The following ITGAL variants were observed in gnomAD, a reference collection of about 807,000 sequenced individuals.
ITGAL encodes integrin subunit alpha L.
ITGAL carries 68 observed loss-of-function variants against 138.4 expected under a neutral mutation model. That is an observed-to-expected ratio of 0.49 (90% CI 0.40 to 0.60). ITGAL has a LOEUF of 0.60. ITGAL is among the 20% of genes least tolerant of loss of function. The pLI is 0.00. For missense variants in ITGAL, 1,256 were observed against 1,478.6 expected (o/e 0.85, Z 2.47); for synonymous variants, 561 against 584.3 (o/e 0.96, Z 0.57).
At chr16:30,500,100 A>G (rs1400823907) in intron 17 of ITGAL, among the ~76,000 whole-genome samples, 1 of 101,696 alleles carries the variant, frequency 9.8e-6, no homozygotes, top group Non-Finnish European at 2.1e-5. Context: ...TTATTTATTT[A>G]TTTGAGACAG....
intron 13 of ITGAL, 134 bp from the exon 14 acceptor site, chr16:30,495,963 C>A (rs2050792858): frequency 1.4e-6 from 1 of 723,836 alleles, no homozygotes; most frequent in African/African-American, 1.7e-5. Flanking sequence ...GTGCTTGAAC[C>A]CTGGTTAGTC....
rs191333200 is a variant in ITGAL, at chr16:30,477,940, C to T, written c.328-1151C>T. Among the ~76,000 whole-genome samples, 945 of 137,272 alleles carry T rather than the reference C, an allele frequency of 6.9e-3. 9 individuals carry two copies. The highest frequency in any genetic ancestry group is 0.024 in the African/African-American group (875 of 36,558). 90.1% of individuals were successfully genotyped at this position (137,272 alleles called of 152,430 possible). On this transcript the variant is annotated intron_variant, in intron 4 of 30. Coordinates refer to ENST00000356798, the MANE Select transcript of ITGAL (RefSeq NM_002209.3). ...GCAAAGAAAGGAAAGAAAGAAAGGACGGAGGGAGGGAGGGAAGGAAGGAAG... is the reference window on the plus strand; with the variant it reads ...GCAAAGAAAGGAAAGAAAGAAAGGATGGAGGGAGGGAGGGAAGGAAGGAAG...
intron 21 of ITGAL, among the ~76,000 whole-genome samples, chr16:30,507,181 C>A (rs35266581): frequency 4.6e-5 from 7 of 151,852 alleles, no homozygotes; most frequent in African/African-American, 1.7e-4. Context: ...AAAAATGGGC[C>A]GGGCGTGGTG....
At position 30,496,222 on chromosome 16, in the gene ITGAL, C is replaced by G. The variant is rs769108812; in HGVS notation, c.1629C>G (p.Ala543=). The G allele has an allele frequency of 6.2e-7, 1 of 1,608,722 alleles. No individual in the cohort carries two copies. Among genetic ancestry groups the G allele is most frequent in the Non-Finnish European group, 8.5e-7 (1 of 1,178,010 alleles). Residue 543 remains alanine (A), a synonymous_variant, in exon 14 of 31, where the codon GCC becomes GCG. Coordinates refer to ENST00000356798, the MANE Select transcript of ITGAL (RefSeq NM_002209.3). ...GGCTGGTAGACGTGGCTGTGGGGGC[C>G]CCTCTGGAGGAGCAGGGGGCTGTGT... ...GDGLVDVAVG[A]PLEEQGAVYI... is the part of the protein sequence containing the mutation.
intron 20 of ITGAL, among the ~76,000 whole-genome samples, chr16:30,506,050 A>G (rs946087187): frequency 1.3e-5 from 2 of 151,948 alleles, no homozygotes; most frequent in African/African-American, 4.8e-5. Context: ...ACCTGAGGTC[A>G]GGAGCTCGAG....
At chr16:30,497,215 T>C (rs961486621) in intron 15 of ITGAL, among the ~76,000 whole-genome samples, 2 of 151,494 alleles carry the variant, frequency 1.3e-5, no homozygotes, top group East Asian at 2.0e-4. Flanking sequence ...TGGTGGCGGG[T>C]GCCTGTAGTC....
chr16:30,487,385 G>T (rs1455318891), intron 9 of ITGAL, among the ~76,000 whole-genome samples: 5 of 152,040 alleles, frequency 3.3e-5, no homozygotes, highest in African/African-American at 1.2e-4. Context: ...GAGCCACTGT[G>T]CCCAGCCCAT....
At chr16:30,503,710 G>A (rs943523919) in intron 17 of ITGAL, among the ~76,000 whole-genome samples, 10 of 152,136 alleles carry the variant, frequency 6.6e-5, no homozygotes, top group African/African-American at 2.4e-4. Flanking sequence ...TACCTCTTAG[G>A]GCTAGTAGAA....
intron 1 of ITGAL, among the ~76,000 whole-genome samples, chr16:30,473,736 G>T (rs2050425573): frequency 1.3e-5 from 2 of 152,122 alleles, no homozygotes; most frequent in East Asian, 3.8e-4. Context: ...CTGGCCCGGT[G>T]GGGTGGGGAG....
At chr16:30,496,743 G>A (rs1418338861) in intron 15 of ITGAL, among the ~76,000 whole-genome samples, 177 bp downstream of exon 15, 1 of 151,864 alleles carries the variant, frequency 6.6e-6, no homozygotes, top group African/African-American at 2.4e-5. Context: ...CTGGGCTTAA[G>A]TGATCCTCCC....
At chr16:30,493,277 T>TTTTTA (rs1567472639) in intron 11 of ITGAL, among the ~76,000 whole-genome samples, 1 of 149,518 alleles carries the variant, frequency 6.7e-6, no homozygotes, top group East Asian at 2.0e-4. Context: ...TTTTATTTTA[T>TTTTTA]TTTATTTATT....
intron 9 of ITGAL, among the ~76,000 whole-genome samples, chr16:30,487,601 G>A (rs551372428): frequency 1.3e-5 from 2 of 151,826 alleles, no homozygotes; most frequent in African/African-American, 2.4e-5. Context: ...TAGTAGAGAC[G>A]GGGTTTCACC....
chr16:30,514,153 C>G (rs2151204567), intron 25 of ITGAL, among the ~76,000 whole-genome samples: 1 of 152,338 alleles, frequency 6.6e-6, no homozygotes, highest in African/African-American at 2.4e-5. Context: ...GTTTGTTACC[C>G]AGGCTTGAGT....
chr16:30,518,127 T>G (rs1302712012), intron 28 of ITGAL, among the ~76,000 whole-genome samples: 2 of 152,134 alleles, frequency 1.3e-5, no homozygotes, highest in Non-Finnish European at 2.9e-5. Flanking sequence ...AAAGCTTTCC[T>G]TACAACAATG....
rs377665813 is a variant in ITGAL, at chr16:30,494,321, C to T, written c.1323C>T (p.Gly441=). The T allele has an allele frequency of 1.9e-5, 30 of 1,612,804 alleles. No homozygotes were observed. The highest frequency in any genetic ancestry group is 1.6e-4 in the Middle Eastern group (1 of 6,072). The change falls in exon 12 of 31, where the codon GGC becomes GGT. Residue 441 remains glycine, a synonymous_variant. Transcript: ENST00000356798. This position sits in a 1 kb window ranked among gnomAD's most constrained non-coding sequence, Gnocchi z 4.2. ...TGCTGCTGTTCCAAGAGCCACAGGG[C>T]GGAGGACACTGGAGCCAGGTCCAGA... ...GRVLLFQEPQ[G]GGHWSQVQTI...
Position 30,489,391 on chromosome 16 carries a change from G to A in ITGAL, c.1213+5G>A. On this transcript the variant is annotated splice_donor_5th_base_variant and intron_variant, in intron 11 of 30. Transcript: ENST00000356798. The stretch of plus-strand genomic sequence containing the variant: ...AAGTGAGAGCAGGCTATTTGGGTGA[G>A]TACTTCTCTTTTCTGCTGGGATCTT... 6.2e-7 allele frequency: 1 copy of A among 1,613,852 alleles called. No individual in the cohort carries two copies. Among genetic ancestry groups the A allele is most frequent in the Non-Finnish European group, 8.5e-7 (1 of 1,179,772 alleles).
intron 24 of ITGAL, among the ~76,000 whole-genome samples, chr16:30,512,318 G>T (rs138963117): frequency 3.9e-5 from 6 of 152,104 alleles, no homozygotes; most frequent in African/African-American, 1.4e-4. Context: ...CAGGTGTGGT[G>T]GCTCACACCT....
chr16:30,479,649 T>A (rs927061313), intron 6 of ITGAL, among the ~76,000 whole-genome samples, 188 bp downstream of exon 6: 9 of 21,236 alleles, frequency 4.2e-4, no homozygotes, highest in African/African-American at 8.5e-4. Flanking sequence ...TCTCATTTCC[T>A]TTTTTTTTTT....
Position 30,480,380 on chromosome 16 carries a change from T to C in ITGAL, c.576+919T>C, listed in dbSNP as rs186248731. ...GTGTTAAAGTTCCAAGAGGGTTTTT[T>C]ACCTTCCCCTCAACCAACACCTCCC... On this transcript the variant is annotated intron_variant, in intron 6 of 30. Coordinates refer to ENST00000356798, the MANE Select transcript of ITGAL (RefSeq NM_002209.3). Among the ~76,000 whole-genome samples the C allele has an allele frequency of 6.6e-5, 10 of 152,330 alleles. No individual in the cohort carries two copies. In the East Asian group the frequency reaches 1.9e-3, roughly 29 times the overall value.
Sources: allele counts gnomAD v4.1 joint callset (sites outside exome capture counted in the v4.1 genomes callset), GRCh38; gene constraint gnomAD v4.1.1; non-coding constraint Gnocchi (gnomAD v3.1); transcripts MANE v1.5; gene names NCBI Gene and HGNC (gene_info 2026-07-23, HGNC 2026-07-21).